Variants in ADCY8 observed in about 807,000 individuals in gnomAD.
ADCY8 encodes adenylate cyclase 8, also known as adenylate cyclase type 8.
A neutral mutation model predicts 119.7 loss-of-function variants in ADCY8; 51 were observed. That is an observed-to-expected ratio of 0.43 (90% CI 0.34 to 0.54). The LOEUF is 0.54. Among genes scored for constraint, ADCY8 ranks in the 20% least tolerant of loss-of-function variants. ADCY8 has a pLI of 0.03. For missense variants in ADCY8, 1,383 were observed against 1,598.8 expected (o/e 0.87, Z 2.30); for synonymous variants, 665 against 651.0 (o/e 1.02, Z -0.33).
intron 14 of ADCY8, among the ~76,000 whole-genome samples, chr8:130,807,208 C>T (rs1374254478): frequency 1.3e-5 from 2 of 152,196 alleles, no homozygotes; most frequent in African/African-American, 2.4e-5. Context: ...TGGTCCTTCA[C>T]CTGCTCAAGC....
At chr8:130,887,434 T>C (rs1169270985) in intron 7 of ADCY8, among the ~76,000 whole-genome samples, 1 of 152,180 alleles carries the variant, frequency 6.6e-6, no homozygotes, top group Non-Finnish European at 1.5e-5. Context: ...AATAATGTGG[T>C]GGAGAATTCT....
intron 1 of ADCY8, among the ~76,000 whole-genome samples, chr8:130,994,873 G>A (rs1822717597): frequency 6.6e-6 from 1 of 152,024 alleles, no homozygotes; most frequent in African/African-American, 2.4e-5. Context: ...TTCTCTTGTG[G>A]AAAATGCTGC....
chr8:130,907,616 A>T lies in ADCY8; in HGVS notation c.1640+2092T>A, dbSNP rs1369764773. 2.0e-5 allele frequency among the ~76,000 whole-genome samples: 3 copies of T among 152,224 alleles called. No homozygotes were observed. In the East Asian group the frequency reaches 5.8e-4, roughly 29 times the overall value. On this transcript the variant is annotated intron_variant, in intron 6 of 17. Coordinates refer to ENST00000286355, the MANE Select transcript of ADCY8 (RefSeq NM_001115.3). ...CTTGCCACAATCTTCCAGACTTCAT[A>T]ACTGGTAAGTAGTAAACCCACGGTT...
At chr8:130,930,248 C>A (rs1820592493) in intron 5 of ADCY8, among the ~76,000 whole-genome samples, 1 of 151,138 alleles carries the variant, frequency 6.6e-6, no homozygotes, top group South Asian at 2.1e-4. Context: ...TGGATTCCTT[C>A]TTCTACATTT....
chr8:130,959,360 A>G (rs1017893534), intron 2 of ADCY8, among the ~76,000 whole-genome samples: 2 of 152,206 alleles, frequency 1.3e-5, no homozygotes, highest in African/African-American at 4.8e-5. Flanking sequence ...TACCCAATTT[A>G]CACATTCTTC....
chr8:130,933,014 C>T (rs1041518002), intron 5 of ADCY8, among the ~76,000 whole-genome samples: 3 of 152,100 alleles, frequency 2.0e-5, no homozygotes, highest in South Asian at 4.2e-4. Flanking sequence ...TGCCATCTTA[C>T]CAACAGAGCA....
intron 3 of ADCY8, among the ~76,000 whole-genome samples, chr8:130,951,385 C>CATGG (rs1197363673): frequency 1.3e-5 from 2 of 152,040 alleles, no homozygotes; most frequent in Non-Finnish European, 2.9e-5. Flanking sequence ...TGGGAAGATA[C>CATGG]ATGGATGGAT....
In ADCY8 at chr8:130,800,552, A is replaced by T. The variant is rs1446909413; in HGVS notation, c.2934T>A (p.Tyr978Ter). Reference sequence around the variant, plus strand: ...AGGCAAACATCACCCCAACAGCATCATAGGATTGAGAATACAGCTCCTGGA... The same window carrying T: ...AGGCAAACATCACCCCAACAGCATCTTAGGATTGAGAATACAGCTCCTGGA... ...RDNEELYSQS[Y>*]DAVGVMFASI... Residue 978 changes from tyrosine (Y) to a stop codon, truncating the protein, a stop_gained, in exon 15 of 18, where the codon TAT (tyrosine) becomes TAA (stop). Coordinates refer to ENST00000286355, the MANE Select transcript of ADCY8 (RefSeq NM_001115.3). LOFTEE classifies it high-confidence loss of function. The T allele has an allele frequency of 6.2e-7, 1 of 1,614,114 alleles. No individual in the cohort carries two copies.
chr8:130,943,105 G>A (rs1821005446), intron 4 of ADCY8, among the ~76,000 whole-genome samples: 1 of 152,160 alleles, frequency 6.6e-6, no homozygotes, highest in Admixed American at 6.5e-5. Context: ...AAAAAGGACT[G>A]GGGTTTGATT....
intron 9 of ADCY8, 29 bp downstream of exon 9, chr8:130,867,817 A>G: frequency 6.7e-7 from 1 of 1,487,692 alleles, no homozygotes. Flanking sequence ...AAGATATTTC[A>G]CCAGATCAAT....
At chr8:130,864,590 T>C (rs1818050526) in intron 9 of ADCY8, among the ~76,000 whole-genome samples, 1 of 152,204 alleles carries the variant, frequency 6.6e-6, no homozygotes, top group African/African-American at 2.4e-5. Context: ...GAAGTTTCTA[T>C]TGACCTGTCT....
At chr8:130,909,055 T>C (rs1463638625) in intron 6 of ADCY8, among the ~76,000 whole-genome samples, 1 of 151,450 alleles carries the variant, frequency 6.6e-6, no homozygotes, top group Non-Finnish European at 1.5e-5. Flanking sequence ...CATCCATCCA[T>C]CCATCCATCA....
At chr8:130,980,078 T>C (rs1345204673) in intron 2 of ADCY8, among the ~76,000 whole-genome samples, 2 of 152,222 alleles carry the variant, frequency 1.3e-5, no homozygotes, top group Non-Finnish European at 2.9e-5. Flanking sequence ...TCCTGGCTTC[T>C]TGTGGCTGCC....
intron 9 of ADCY8, among the ~76,000 whole-genome samples, chr8:130,856,289 G>T (rs926306899): frequency 1.3e-5 from 2 of 151,882 alleles, no homozygotes; most frequent in African/African-American, 4.8e-5. Context: ...CCTACTAGAT[G>T]GTCAGCTTTA....
chr8:130,922,336 C>T (rs1449881003), intron 5 of ADCY8, among the ~76,000 whole-genome samples: 1 of 150,196 alleles, frequency 6.7e-6, no homozygotes, highest in Non-Finnish European at 1.5e-5. Context: ...CTCTGGTTTT[C>T]CTAGGCAGAG....
chr8:130,845,990 A>T (rs1586473272), intron 11 of ADCY8, among the ~76,000 whole-genome samples: 2 of 152,206 alleles, frequency 1.3e-5, no homozygotes, highest in African/African-American at 4.8e-5. Context: ...AATAGCCTCT[A>T]CCCCAGACAT....
chr8:130,890,214 G>C (rs546915523), intron 7 of ADCY8, among the ~76,000 whole-genome samples: 12 of 141,592 alleles, frequency 8.5e-5, no homozygotes, highest in Admixed American at 1.5e-4. Context: ...GGTCAGGGGA[G>C]TGGGGAGGGA....
At chr8:130,846,837 TC>T (rs1188260581) in intron 11 of ADCY8, among the ~76,000 whole-genome samples, 20 of 38,790 alleles carry the variant, frequency 5.2e-4, no homozygotes, top group African/African-American at 2.4e-3. Flanking sequence ...TTCCCTCCCC[TC>T]CCCTTCCTTC....
chr8:131,014,889 G>A (rs1823420829), intron 1 of ADCY8, among the ~76,000 whole-genome samples: 2 of 152,122 alleles, frequency 1.3e-5, no homozygotes, highest in Admixed American at 1.3e-4. Context: ...TATACCATCT[G>A]TTCTTTTAAT....
Sources: gnomAD v4.1 joint callset for allele counts (sites outside exome capture counted in the v4.1 genomes callset) on GRCh38, gnomAD v4.1.1 for gene constraint, MANE v1.5 for transcripts, NCBI Gene and HGNC (gene_info 2026-07-23, HGNC 2026-07-21) for gene names.